The following DOCK3 variants were observed in gnomAD, a reference collection of about 807,000 sequenced individuals.
DOCK3 encodes the protein dedicator of cytokinesis protein 3.
DOCK3 carries 60 observed loss-of-function variants against 265.6 expected under a neutral mutation model. The ratio of observed to expected loss-of-function variants is 0.23; its 90% CI spans 0.18 to 0.28. DOCK3 has a LOEUF of 0.28. DOCK3 is among the 10% of genes least tolerant of loss of function. DOCK3 has a pLI of 1.00. For synonymous variants in DOCK3, 881 were observed against 938.0 expected (o/e 0.94, Z 1.11); for missense variants, 1,981 against 2,594.3 (o/e 0.76, Z 5.14).
At chr3:51,048,219 A>G (rs1260106698) in intron 5 of DOCK3, among the ~76,000 whole-genome samples, 1 of 152,154 alleles carries the variant, frequency 6.6e-6, no homozygotes, top group African/African-American at 2.4e-5. Context: ...TTAAGTATAC[A>G]ATGAATGTAC....
intron 2 of DOCK3, among the ~76,000 whole-genome samples, chr3:50,831,266 C>G (rs1376964733): frequency 6.7e-6 from 1 of 149,952 alleles, no homozygotes; most frequent in Non-Finnish European, 1.5e-5. Flanking sequence ...ACTTTAAATT[C>G]TGGGATACAT....
intron 49 of DOCK3, among the ~76,000 whole-genome samples, chr3:51,367,455 C>T (rs184410576): frequency 1.3e-3 from 197 of 152,272 alleles, no homozygotes; most frequent in African/African-American, 3.9e-3. Context: ...ATTTGCCAGT[C>T]TGTGTCTTTT....
intron 13 of DOCK3, among the ~76,000 whole-genome samples, chr3:51,211,598 G>A (rs915701536): frequency 9.6e-6 from 1 of 103,654 alleles, no homozygotes; most frequent in Non-Finnish European, 1.9e-5. Context: ...ACCTATGAGT[G>A]AGAACATGCA....
At chr3:50,688,841 T>G (rs2035020689) in intron 1 of DOCK3, among the ~76,000 whole-genome samples, 1 of 152,160 alleles carries the variant, frequency 6.6e-6, no homozygotes, top group Non-Finnish European at 1.5e-5. Context: ...GTCTCATCAT[T>G]GAGTCTTCCC....
At chr3:50,786,653 G>A in intron 2 of DOCK3, 1 of 609,422 alleles carries the variant, frequency 1.6e-6, no homozygotes, top group South Asian at 1.6e-5. Context: ...TCCTTACTCT[G>A]GCCTTTATGA....
chr3:51,332,660 CA>C (rs2084603372), intron 33 of DOCK3, among the ~76,000 whole-genome samples: 1 of 152,206 alleles, frequency 6.6e-6, no homozygotes, highest in East Asian at 1.9e-4. Flanking sequence ...GGCAACATAG[CA>C]AGACCCCATC....
chr3:50,923,415 A>T (rs938219348), intron 4 of DOCK3, among the ~76,000 whole-genome samples: 2 of 152,178 alleles, frequency 1.3e-5, no homozygotes, highest in Admixed American at 1.3e-4. Context: ...AATTCCCTCT[A>T]TATAATGCCT....
intron 1 of DOCK3, among the ~76,000 whole-genome samples, chr3:50,693,041 G>A (rs1233329318): frequency 6.6e-6 from 1 of 152,154 alleles, no homozygotes; most frequent in African/African-American, 2.4e-5. Flanking sequence ...GACAATATAT[G>A]TGAGGGTTTA....
chr3:51,029,808 C>T (rs1252834735), intron 5 of DOCK3, among the ~76,000 whole-genome samples: 1 of 152,176 alleles, frequency 6.6e-6, no homozygotes, highest in Non-Finnish European at 1.5e-5. Context: ...GAGAATCTCT[C>T]ATCAGGGCAG....
At chr3:50,708,474 GC>G (rs1210935499) in intron 1 of DOCK3, among the ~76,000 whole-genome samples, 2 of 152,192 alleles carry the variant, frequency 1.3e-5, no homozygotes, top group Non-Finnish European at 2.9e-5. Context: ...TGTCACTGGG[GC>G]TTTAGGGATG....
At chr3:50,737,241 A>T (rs1576288658) in intron 1 of DOCK3, among the ~76,000 whole-genome samples, 1 of 152,096 alleles carries the variant, frequency 6.6e-6, no homozygotes, top group Non-Finnish European at 1.5e-5. Context: ...TTTTGTTGCC[A>T]TTGCTTTTGG....
chr3:50,824,052 A>C (rs1000594301), intron 2 of DOCK3, among the ~76,000 whole-genome samples: 11 of 152,174 alleles, frequency 7.2e-5, no homozygotes, highest in African/African-American at 2.7e-4. Flanking sequence ...GTATTAAGCT[A>C]TTTGGAACTC....
At chr3:50,681,075 T>A (rs903600864) in intron 1 of DOCK3, among the ~76,000 whole-genome samples, 1 of 152,178 alleles carries the variant, frequency 6.6e-6, no homozygotes, top group African/African-American at 2.4e-5. Flanking sequence ...ATGTTTTCTT[T>A]TAGTAGGTTT....
chr3:50,832,406 A>G (rs971348709), intron 2 of DOCK3, among the ~76,000 whole-genome samples: 1 of 152,222 alleles, frequency 6.6e-6, no homozygotes, highest in African/African-American at 2.4e-5. Flanking sequence ...AAAAGAAACT[A>G]TCATCAGAGT....
chr3:51,082,434 T>TG (rs2082275010), intron 7 of DOCK3, among the ~76,000 whole-genome samples: 1 of 152,114 alleles, frequency 6.6e-6, no homozygotes, highest in Non-Finnish European at 1.5e-5. Context: ...ACTTATACCC[T>TG]GGGGAATGGG....
intron 5 of DOCK3, among the ~76,000 whole-genome samples, chr3:51,003,370 A>C (rs1357894040): frequency 6.6e-6 from 1 of 152,240 alleles, no homozygotes; most frequent in African/African-American, 2.4e-5. Context: ...TCAATTTACA[A>C]GTGAAATTCT....
At chr3:51,041,602 G>A (rs184510904) in intron 5 of DOCK3, among the ~76,000 whole-genome samples, 4 of 152,096 alleles carry the variant, frequency 2.6e-5, no homozygotes, top group Non-Finnish European at 5.9e-5. Flanking sequence ...GTGTTAACAG[G>A]CATGAAAACA....
rs2077569758 is a variant in DOCK3 at position 50,978,699 on chromosome 3, T to C, written c.315+44622T>C. ...CAGTTGGAGCTTCTTGGCTGCTTTGTTTACCTAAGCAAGCCTGGGCAATGG... is the reference window on the plus strand; with the variant it reads ...CAGTTGGAGCTTCTTGGCTGCTTTGCTTACCTAAGCAAGCCTGGGCAATGG... On this transcript the variant is annotated intron_variant, in intron 5 of 52. Coordinates refer to ENST00000266037, the MANE Select transcript of DOCK3 (RefSeq NM_004947.5). 3.3e-5 allele frequency among the ~76,000 whole-genome samples: 5 copies of C among 152,306 alleles called. No homozygotes were observed. The South Asian group carries it at 6.2e-4, about 19-fold the overall frequency.
At chr3:51,237,418 A>T in intron 20 of DOCK3, 72 bp from the exon 21 acceptor site, 1 of 1,270,696 alleles carries the variant, frequency 7.9e-7, no homozygotes, top group Non-Finnish European at 1.1e-6. Context: ...GAGAAGGAAG[A>T]CTCTGTTTCC....
Sources: gnomAD v4.1 joint callset for allele counts (sites outside exome capture counted in the v4.1 genomes callset) on GRCh38, gnomAD v4.1.1 for gene constraint, MANE v1.5 for transcripts, NCBI Gene and HGNC (gene_info 2026-07-23, HGNC 2026-07-21) for gene names.